MYH15: variants seen among roughly 807,000 people sequenced by gnomAD.
MYH15 encodes myosin heavy chain 15.
In MYH15, 227 loss-of-function variants were observed where a neutral mutation model predicts 240.5. The observed-to-expected ratio is 0.94, with a 90% CI of 0.85 to 1.05. The LOEUF is 1.05. Ranked by LOEUF, MYH15 falls within the 50% of genes least tolerant of loss-of-function variation. The pLI, the probability that MYH15 is intolerant of heterozygous loss-of-function variation, is 0.00. For synonymous variants in MYH15, 785 were observed against 796.7 expected, an observed-to-expected ratio of 0.99 and a Z score of 0.25; for missense variants, 2,217 against 2,247.5, an observed-to-expected ratio of 0.99 and a Z score of 0.27.
At position 108,410,575 on chromosome 3, in the gene MYH15, C is replaced by T. The variant is rs569971668; in HGVS notation, c.4495+8G>A. 1.7e-5 allele frequency: 26 copies of T among 1,566,582 alleles called. No individual in the cohort carries two copies. In the East Asian group the frequency reaches 3.2e-4, roughly 19 times the overall value. On this transcript the variant is annotated splice_region_variant and intron_variant, in intron 31 of 40. Coordinates refer to ENST00000693548, the MANE Select transcript of MYH15 (RefSeq NM_014981.3). The stretch of plus-strand genomic sequence containing the variant: ...TCTGGCTTTGGCTCTGAGCCCAGCT[C>T]GGTGTACCTTGGAGGTTCTTGTTCT...
chr3:108,515,964 A>G (rs1226265602), intron 1 of MYH15, among the ~76,000 whole-genome samples: 23 of 152,162 alleles, frequency 1.5e-4, no homozygotes, highest in Admixed American at 1.5e-3. Flanking sequence ...TAGTCTTCTT[A>G]CTGCTGACCA....
chr3:108,438,151 C>T (rs1222585573), intron 24 of MYH15, among the ~76,000 whole-genome samples: 1 of 152,196 alleles, frequency 6.6e-6, no homozygotes, highest in Non-Finnish European at 1.5e-5. Context: ...AATCAGTTTC[C>T]GCATGATCAT....
intron 12 of MYH15, among the ~76,000 whole-genome samples, chr3:108,472,471 T>A (rs1321142588): frequency 6.6e-6 from 1 of 152,172 alleles, no homozygotes; most frequent in Non-Finnish European, 1.5e-5. Flanking sequence ...TCCACAGTAA[T>A]CCATAAGCCG....
At chr3:108,495,662 T>G in intron 7 of MYH15, 118 bp downstream of exon 7, 1 of 594,800 alleles carries the variant, frequency 1.7e-6, no homozygotes, top group Non-Finnish European at 2.8e-6. Flanking sequence ...ATTACAGACT[T>G]TAATCAAAGA....
rs112798874 is a variant in MYH15 at position 108,444,982 on chromosome 3, T to C, written c.2400-87A>G. 5.4e-4 allele frequency: 759 copies of C among 1,394,660 alleles called. 2 individuals carry two copies. The African/African-American group carries it at 9.8e-3, about 18-fold the overall frequency. The allele number at this position is 1,394,660 out of a possible 1,614,324, so 86.4% of individuals were successfully genotyped here. ...AATTAAGATCCTCAATAAACACATA[T>C]TTTTAGGAGTCATAAAAAATTCTTA... On this transcript the variant is annotated intron_variant, in intron 21 of 40. Coordinates refer to ENST00000693548, the MANE Select transcript of MYH15 (RefSeq NM_014981.3).
At chr3:108,397,636 T>G (rs1351187366) in intron 35 of MYH15, among the ~76,000 whole-genome samples, 1 of 152,236 alleles carries the variant, frequency 6.6e-6, no homozygotes, top group African/African-American at 2.4e-5. Context: ...ATGTTTGTCC[T>G]AGAAACTATG....
At chr3:108,533,479 G>A (rs1324435144), upstream of MYH15, among the ~76,000 whole-genome samples, 1 of 152,106 alleles carries the variant, frequency 6.6e-6, no homozygotes, top group Admixed American at 6.6e-5. Context: ...GATCAAATAA[G>A]AGAATGTATA....
intron 12 of MYH15, among the ~76,000 whole-genome samples, chr3:108,474,260 G>A (rs1483064816): frequency 2.6e-5 from 4 of 151,350 alleles, no homozygotes; most frequent in Non-Finnish European, 4.4e-5. Context: ...TTCTTACTAT[G>A]TCTCCAGGAG....
intron 33 of MYH15, among the ~76,000 whole-genome samples, chr3:108,403,495 G>A (rs1245783453): frequency 1.0e-5 from 1 of 99,818 alleles, no homozygotes; most frequent in African/African-American, 3.6e-5. Flanking sequence ...CTTGTGTTTG[G>A]CTTTTTTTTT....
Position 108,384,667 on chromosome 3 carries a change from A to C in MYH15, c.5631+20T>G. ...CAACACTGGGAAATCCATGAGGCTG[A>C]AACTTCCCCAGGCACTCACCGCCAC... On this transcript the variant is annotated intron_variant, in intron 39 of 40. Coordinates refer to ENST00000693548, the MANE Select transcript of MYH15 (RefSeq NM_014981.3). The C allele has an allele frequency of 1.2e-6, 2 of 1,604,738 alleles. No individual in the cohort carries two copies. The highest frequency in any genetic ancestry group is 2.2e-5 in the South Asian group (2 of 90,850).
intron 20 of MYH15, 51 bp from the exon 21 acceptor site, chr3:108,454,193 T>C (rs1193314918): frequency 1.3e-6 from 2 of 1,522,100 alleles, no homozygotes; most frequent in African/African-American, 2.7e-5. Context: ...ATTCAGCAAA[T>C]GTTTATTAAA....
At chr3:108,414,782 C>T (rs562232367) in intron 29 of MYH15, among the ~76,000 whole-genome samples, 3 of 152,194 alleles carry the variant, frequency 2.0e-5, no homozygotes, top group Non-Finnish European at 4.4e-5. Context: ...ATATATTAGA[C>T]TCAGAGCTTG....
intron 24 of MYH15, among the ~76,000 whole-genome samples, chr3:108,438,732 T>C (rs987863749): frequency 6.6e-6 from 1 of 152,172 alleles, no homozygotes; most frequent in Admixed American, 6.5e-5. Context: ...CCAACTCTGC[T>C]GGTACTTTGA....
At chr3:108,384,826 A>G (rs1338301173) in intron 38 of MYH15, 44 bp from the exon 39 acceptor site, 1 of 1,551,870 alleles carries the variant, frequency 6.4e-7, no homozygotes, top group Non-Finnish European at 8.9e-7. Context: ...CAGAGGATCC[A>G]GCAGTCTACG....
intron 10 of MYH15, 28 bp downstream of exon 10, chr3:108,486,394 AT>A: frequency 6.5e-7 from 1 of 1,545,652 alleles, no homozygotes; most frequent in African/African-American, 1.4e-5. Flanking sequence ...CCATTACCAG[AT>A]TTTGCTTTGA....
chr3:108,453,261 C>T (rs1035320398), intron 21 of MYH15, among the ~76,000 whole-genome samples: 6 of 152,182 alleles, frequency 3.9e-5, no homozygotes, highest in Non-Finnish European at 8.8e-5. Flanking sequence ...CCTTAAGAGT[C>T]ATCTCTCTAA....
At chr3:108,417,479 G>A (rs1456710) in intron 28 of MYH15, among the ~76,000 whole-genome samples, 136,436 of 152,140 alleles carry the variant, frequency 0.9, 61,310 homozygotes, top group East Asian at 1. Context: ...TCACTTGTAA[G>A]ATGAAGATAA....
chr3:108,512,750 A>T (rs749210433), upstream of MYH15, among the ~76,000 whole-genome samples: 1 of 152,184 alleles, frequency 6.6e-6, no homozygotes, highest in Non-Finnish European at 1.5e-5. Flanking sequence ...GATCACAGCA[A>T]AACAGAGCAC....
chr3:108,421,839 A>G (rs905246241), intron 27 of MYH15, among the ~76,000 whole-genome samples: 1 of 152,242 alleles, frequency 6.6e-6, no homozygotes, highest in African/African-American at 2.4e-5. Context: ...TATGGCTACA[A>G]TCTCAAGATG....
Sources: gnomAD v4.1 joint callset for allele counts (sites outside exome capture counted in the v4.1 genomes callset) on GRCh38, gnomAD v4.1.1 for gene constraint, MANE v1.5 for transcripts, NCBI Gene and HGNC (gene_info 2026-07-23, HGNC 2026-07-21) for gene names.